The following PASD1 variants were observed in gnomAD, a reference collection of about 807,000 sequenced individuals.
PASD1 encodes PAS domain containing repressor 1, also known as circadian clock protein PASD1.
A neutral mutation model predicts 58.8 loss-of-function variants in PASD1; 13 were observed. That is an observed-to-expected ratio of 0.22 (90% CI 0.14 to 0.35). PASD1 has a LOEUF of 0.35. Ranked by LOEUF, PASD1 falls within the 10% of genes least tolerant of loss-of-function variation. The pLI is 1.00. For missense variants in PASD1, 734 were observed against 568.3 expected (o/e 1.29, Z -2.96); for synonymous variants, 236 against 216.7 (o/e 1.09, Z -0.78).
intron 4 of PASD1, among the ~76,000 whole-genome samples, chrX:151,613,846 A>C (rs948208391): frequency 9.0e-6 from 1 of 111,616 alleles, no homozygotes; most frequent in Non-Finnish European, 1.9e-5. Context: ...AAACAACACA[A>C]ATTTATATTT....
At chrX:151,623,130 C>T in intron 7 of PASD1, 66 bp downstream of exon 7, 2 of 1,140,370 alleles carry the variant, frequency 1.8e-6, no homozygotes, top group Non-Finnish European at 2.4e-6. Flanking sequence ...GGGTCACTTC[C>T]CCTTTGGTCT....
chrX:151,603,817 C>T (rs923622471), intron 2 of PASD1, among the ~76,000 whole-genome samples: 2 of 111,952 alleles, frequency 1.8e-5, no homozygotes, highest in African/African-American at 6.5e-5. Flanking sequence ...AGACTCATGC[C>T]TGTCAAGAAA....
chrX:151,648,572 C>T (rs1211611328), intron 8 of PASD1, 43 bp from the exon 9 acceptor site: 5 of 1,117,643 alleles, frequency 4.5e-6, no homozygotes, highest in South Asian at 3.9e-5. Flanking sequence ...ATTTAAATGG[C>T]GAGTGAGATA....
chrX:151,603,754 C>G (rs1222238184), intron 2 of PASD1, among the ~76,000 whole-genome samples: 1 of 111,506 alleles, frequency 9.0e-6, no homozygotes, highest in Non-Finnish European at 1.9e-5. Context: ...CTCTAAAGCT[C>G]TCTTTATGCA....
At chrX:151,672,708 C>T (rs762626994) in intron 14 of PASD1, 47 bp downstream of exon 14, 2 of 1,188,106 alleles carry the variant, frequency 1.7e-6, no homozygotes, top group Non-Finnish European at 2.3e-6. Flanking sequence ...TATTGCTTTT[C>T]CCTCATGGCT....
intron 12 of PASD1, 70 bp downstream of exon 12, chrX:151,671,266 G>T: frequency 8.9e-7 from 1 of 1,128,178 alleles, no homozygotes; most frequent in Admixed American, 2.4e-5. Context: ...GAGGAGAGAG[G>T]GACCTTGGCA....
chrX:151,642,534 A>G (rs771597494), intron 8 of PASD1, among the ~76,000 whole-genome samples: 35 of 112,373 alleles, frequency 3.1e-4, no homozygotes, highest in Non-Finnish European at 6.2e-4. Flanking sequence ...ATAAAAACAG[A>G]ATTTCAGGAT....
chrX:151,599,710 G>A lies in PASD1; in HGVS notation c.-27-1817G>A, dbSNP rs1201108522. On this transcript the variant is annotated intron_variant, in intron 1 of 15. Transcript: ENST00000370357. ...GCTCCCCACATCCCAGACAATGGGC[G>A]GCCGGGCAGAGACGCTCCTCACCTC... is the stretch of plus-strand genomic sequence containing the variant. Among the ~76,000 whole-genome samples the A allele has an allele frequency of 3.7e-5, 4 of 107,861 alleles. No individual in the cohort carries two copies. The East Asian group carries it at 1.2e-3, about 32-fold the overall frequency. The allele number at this position is 107,861 out of a possible 115,157, so 93.7% of individuals were successfully genotyped here. A position where few individuals can be genotyped will look rare whatever the true frequency, so the allele number is the denominator to read the frequency against.
chrX:151,661,035 G>C (rs766066731), intron 10 of PASD1, among the ~76,000 whole-genome samples: 241 of 110,711 alleles, frequency 2.2e-3, no homozygotes, highest in Non-Finnish European at 3.8e-3. Flanking sequence ...CACGCCTGTA[G>C]TCCCAGCTAT....
chrX:151,621,060 T>C, intron 5 of PASD1, 31 bp downstream of exon 5: 1 of 1,040,983 alleles, frequency 9.6e-7, no homozygotes, highest in South Asian at 2.2e-5. Flanking sequence ...AGTAAATTCT[T>C]AGGTTTTAAG....
intron 1 of PASD1, among the ~76,000 whole-genome samples, chrX:151,580,861 T>A (rs1158457624): frequency 9.0e-6 from 1 of 111,435 alleles, no homozygotes; most frequent in Non-Finnish European, 1.9e-5. Flanking sequence ...TTTCAACTTA[T>A]TTTGAATGAG....
At chrX:151,577,117 C>T (rs1347418289) in intron 1 of PASD1, among the ~76,000 whole-genome samples, 1 of 110,801 alleles carries the variant, frequency 9.0e-6, no homozygotes. Flanking sequence ...TTGCTTGAAC[C>T]GAGGAATTAT....
Position 151,676,051 on chromosome X carries a change from G to C in PASD1, c.2230G>C (p.Gly744Arg), listed in dbSNP as rs746788762. 1 of 1,211,278 alleles carries C rather than the reference G, an allele frequency of 8.3e-7. No individual in the cohort carries two copies. The highest frequency in any genetic ancestry group is 1.1e-6 in the Non-Finnish European group (1 of 894,987). The change falls in exon 16 of 16, where the codon GGC becomes CGC. Residue 744 changes from glycine to arginine, a missense_variant. Physicochemically the swap from Gly to Arg is moderately radical, Grantham distance 125 (BLOSUM62 -2). Coordinates refer to ENST00000370357, the MANE Select transcript of PASD1 (RefSeq NM_173493.3). ...EGPPDPQAFQ[G>R]PAAYQPDQMR... ...ACCTCCTGATCCACAGGCTTTCCAA[G>C]GCCCTGCTGCATACCAGCCAGACCA...
chrX:151,564,325 G>A lies in PASD1; in HGVS notation c.-28+486G>A, dbSNP rs767402966. On this transcript the variant is annotated intron_variant, in intron 1 of 15. Coordinates refer to ENST00000370357, the MANE Select transcript of PASD1 (RefSeq NM_173493.3). ...GCGCGTATATCGAGAGGTTTGCCTG[G>A]TTTTCAGCAGATTGAGCAGTTTGTA... Among the ~76,000 whole-genome samples the A allele has an allele frequency of 6.0e-3, 674 of 112,167 alleles. 4 individuals carry two copies. The highest frequency in any genetic ancestry group is 0.011 in the Non-Finnish European group (566 of 53,226).
chrX:151,611,340 A>T (rs763636912), intron 3 of PASD1, among the ~76,000 whole-genome samples: 3 of 111,921 alleles, frequency 2.7e-5, no homozygotes. Context: ...CATTTTTGAA[A>T]TTAAGTGTTC....
chrX:151,575,602 C>T (rs891011970), intron 1 of PASD1, among the ~76,000 whole-genome samples: 15 of 110,764 alleles, frequency 1.4e-4, no homozygotes, highest in South Asian at 3.8e-4. Context: ...TAATTTGAAA[C>T]GGATCATCAA....
intron 1 of PASD1, among the ~76,000 whole-genome samples, chrX:151,600,093 T>C (rs757386086): frequency 4.0e-3 from 443 of 111,734 alleles, no homozygotes; most frequent in African/African-American, 0.013. Flanking sequence ...CGAAACCCCG[T>C]CTCCACCAAA....
Position 151,671,094 on chromosome X carries a change from G to A in PASD1, c.1128G>A (p.Leu376=). The change falls in exon 12 of 16, where the codon CTG becomes CTA. Residue 376 remains leucine, a synonymous_variant. Coordinates refer to ENST00000370357, the MANE Select transcript of PASD1 (RefSeq NM_173493.3). ...ACATCATTAGCCAGGAACTGGAACT[G>A]ATGAAGAAGTTGAAGGAGCAGCTAG... is the stretch of plus-strand genomic sequence containing the variant. ...AYDIISQELE[L]MKKLKEQLEE... 1 of 1,211,818 alleles carries A rather than the reference G, an allele frequency of 8.3e-7. No individual in the cohort carries two copies. The highest frequency in any genetic ancestry group is 1.1e-6 in the Non-Finnish European group (1 of 895,385).
Position 151,676,274 on chromosome X carries a change from T to C in PASD1, c.*131T>C, listed in dbSNP as rs1569418627. The C allele has an allele frequency of 1.5e-6, 1 of 649,539 alleles. No individual in the cohort carries two copies. The highest frequency in any genetic ancestry group is 2.3e-6 in the Non-Finnish European group (1 of 441,626). The allele number at this position is 649,539 out of a possible 1,213,427, so 53.5% of individuals were successfully genotyped here. On this transcript the variant is annotated 3_prime_UTR_variant, in exon 16 of 16. Coordinates refer to ENST00000370357, the MANE Select transcript of PASD1 (RefSeq NM_173493.3). ...GGTTTAGTGGGTAGAGACTTATTTG[T>C]TTCCTGATAGGTTATGTTTGTAATT...
Sources: allele counts gnomAD v4.1 joint callset (sites outside exome capture counted in the v4.1 genomes callset), GRCh38; gene constraint gnomAD v4.1.1; transcripts MANE v1.5; gene names NCBI Gene and HGNC (gene_info 2026-07-23, HGNC 2026-07-21).